The following FBXW2 variants were observed in gnomAD, a reference collection of about 807,000 sequenced individuals.
The protein encoded by FBXW2 is F-box and WD repeat domain containing 2, also known as F-box/WD repeat-containing protein 2.
A neutral mutation model predicts 46.0 loss-of-function variants in FBXW2; 12 were observed. The ratio of observed to expected loss-of-function variants is 0.26; its 90% CI spans 0.17 to 0.42. FBXW2 has a LOEUF of 0.42. FBXW2 is among the 10% of genes least tolerant of loss of function. The pLI is 1.00. For synonymous variants in FBXW2, 203 were observed against 209.6 expected (o/e 0.97, Z 0.27); for missense variants, 360 against 537.0 (o/e 0.67, Z 3.26).
rs1486630953 is a variant in FBXW2, at chr9:120,763,519, T to A, written c.*1040A>T. 2 of 152,244 alleles carry A rather than the reference T, an allele frequency of 1.3e-5. No homozygotes were observed. Among genetic ancestry groups the A allele is most frequent in the African/African-American group, 4.8e-5 (2 of 41,462 alleles). The allele number at this position is 152,244 out of a possible 1,614,324, so 9.4% of individuals were successfully genotyped here. A position where few individuals can be genotyped will look rare whatever the true frequency, so the allele number is the denominator to read the frequency against. ...TCTTCAACCAATTACTTAAACTGTC[T>A]AAGTGGAATCAGCTATATTTTCTAC... On this transcript the variant is annotated 3_prime_UTR_variant, in exon 8 of 8. Coordinates refer to ENST00000608872, the MANE Select transcript of FBXW2 (RefSeq NM_012164.4).
chr9:120,784,193 T>TA (rs2131359135), intron 3 of FBXW2, among the ~76,000 whole-genome samples: 1 of 152,246 alleles, frequency 6.6e-6, no homozygotes, highest in South Asian at 2.1e-4. Flanking sequence ...TGTAGAATTG[T>TA]AGATATTAAC....
chr9:120,793,137 C>G lies in FBXW2; in HGVS notation c.-21+12G>C. 1.5e-6 allele frequency: 1 copy of G among 655,564 alleles called. No homozygotes were observed. The highest frequency in any genetic ancestry group is 2.7e-5 in the East Asian group (1 of 36,510). The allele number at this position is 655,564 out of a possible 1,614,324, so 40.6% of individuals were successfully genotyped here. Reference sequence around the variant, plus strand: ...CCCTTGCTCTCGGAATCGTGTTCCGCGCGGCACTGACCTGAGCGAGCGCCC... The same window carrying G: ...CCCTTGCTCTCGGAATCGTGTTCCGGGCGGCACTGACCTGAGCGAGCGCCC... On this transcript the variant is annotated intron_variant, in intron 2 of 7. Coordinates refer to ENST00000608872, the MANE Select transcript of FBXW2 (RefSeq NM_012164.4).
chr9:120,770,318 G>C (rs1265495646), intron 7 of FBXW2, among the ~76,000 whole-genome samples: 1 of 151,480 alleles, frequency 6.6e-6, no homozygotes, highest in Admixed American at 6.6e-5. Flanking sequence ...GGAGCCTGCA[G>C]TGAGCAGAGA....
intron 4 of FBXW2, among the ~76,000 whole-genome samples, chr9:120,777,290 C>G (rs1276203584): frequency 6.6e-6 from 1 of 152,170 alleles, no homozygotes. Context: ...TGGTAGCAGA[C>G]AGCAAAGACT....
Position 120,759,600 on chromosome 9 carries a change from A to G in FBXW2, c.*4959T>C, listed in dbSNP as rs1004633292. ...CTGAGCATTCTCATCAAGTATACTA[A>G]GTCTAAATCAGTGAAATATGCCTGT... On this transcript the variant is annotated 3_prime_UTR_variant, in exon 8 of 8. Transcript: ENST00000608872. The G allele has an allele frequency of 7.2e-5, 11 of 152,238 alleles. No homozygotes were observed. Among genetic ancestry groups the G allele is most frequent in the Non-Finnish European group, 1.0e-4 (7 of 68,032 alleles). 9.4% of individuals were successfully genotyped at this position (152,238 alleles called of 1,614,324 possible).
chr9:120,782,274 T>C (rs1319783853), intron 3 of FBXW2, among the ~76,000 whole-genome samples: 1 of 151,532 alleles, frequency 6.6e-6, no homozygotes, highest in Non-Finnish European at 1.5e-5. Context: ...GAGACCAGCC[T>C]GGCCAACACG....
Position 120,786,507 on chromosome 9 carries a change from A to G in FBXW2, c.490+1262T>C, listed in dbSNP as rs376504577. 2.0e-5 allele frequency among the ~76,000 whole-genome samples: 3 copies of G among 152,196 alleles called. No homozygotes were observed. The East Asian group carries it at 5.8e-4, about 29-fold the overall frequency. On this transcript the variant is annotated intron_variant, in intron 3 of 7. Transcript: ENST00000608872. The stretch of plus-strand genomic sequence containing the variant: ...AGTCAATTAAACCTCTTTTCTTCAT[A>G]AATTACCCGGTCTTAGGCAGTTTTT...
At chr9:120,778,300 C>A in intron 4 of FBXW2, 51 bp downstream of exon 4, 2 of 1,479,340 alleles carry the variant, frequency 1.4e-6, no homozygotes, top group Non-Finnish European at 1.8e-6. Context: ...TGGCTCCTGG[C>A]TTAAAAGGAT....
At chr9:120,768,173 T>G (rs1052968960) in intron 7 of FBXW2, among the ~76,000 whole-genome samples, 6 of 152,338 alleles carry the variant, frequency 3.9e-5, no homozygotes, top group Admixed American at 3.3e-4. Flanking sequence ...TTCCTCACTG[T>G]ACACCCACTC....
Position 120,759,952 on chromosome 9 carries a change from T to G in FBXW2, c.*4607A>C, listed in dbSNP as rs1455021976. On this transcript the variant is annotated 3_prime_UTR_variant, in exon 8 of 8. Coordinates refer to ENST00000608872, the MANE Select transcript of FBXW2 (RefSeq NM_012164.4). The stretch of plus-strand genomic sequence containing the variant: ...ACTACTCAGTAATCCATTTGAGGAT[T>G]TATTCTGAAAAAAGTTTACTTTCCT... 2 of 152,232 alleles carry G rather than the reference T, an allele frequency of 1.3e-5. No homozygotes were observed. The highest frequency in any genetic ancestry group is 2.9e-5 in the Non-Finnish European group (2 of 68,040). 9.4% of individuals were successfully genotyped at this position (152,232 alleles called of 1,614,324 possible). A position where few individuals can be genotyped will look rare whatever the true frequency, so the allele number is the denominator to read the frequency against.
Position 120,757,423 on chromosome 9 carries a change from T to A in FBXW2, c.*7136A>T, listed in dbSNP as rs539768116. The A allele has an allele frequency of 6.6e-6, 1 of 152,226 alleles. No homozygotes were observed. The allele number at this position is 152,226 out of a possible 1,614,324, so 9.4% of individuals were successfully genotyped here. A position where few individuals can be genotyped will look rare whatever the true frequency, so the allele number is the denominator to read the frequency against. ...TACTGGAACTTGTTCTAAGGAAATA[T>A]GCACAAAGAAGTTCTCTGTAGTATC... is the stretch of plus-strand genomic sequence containing the variant. On this transcript the variant is annotated 3_prime_UTR_variant, in exon 8 of 8. Coordinates refer to ENST00000608872, the MANE Select transcript of FBXW2 (RefSeq NM_012164.4).
chr9:120,789,705 T>C (rs187208793), intron 2 of FBXW2, among the ~76,000 whole-genome samples: 2 of 152,368 alleles, frequency 1.3e-5, no homozygotes, highest in African/African-American at 4.8e-5. Context: ...AGATCAGGTC[T>C]ACACAAAAAG....
At chr9:120,785,012 ATT>A (rs112462348) in intron 3 of FBXW2, among the ~76,000 whole-genome samples, 15 of 142,764 alleles carry the variant, frequency 1.1e-4, no homozygotes, top group African/African-American at 1.0e-4. Context: ...GCATCTTAAT[ATT>A]TTTTTTTTTT....
Position 120,793,339 on chromosome 9 carries a change from G to A in FBXW2, c.-130+15C>T, listed in dbSNP as rs980519641. 8 of 424,902 alleles carry A rather than the reference G, an allele frequency of 1.9e-5. No individual in the cohort carries two copies. Among genetic ancestry groups the A allele is most frequent in the Non-Finnish European group, 3.3e-5 (8 of 241,768 alleles). 26.3% of individuals were successfully genotyped at this position (424,902 alleles called of 1,614,324 possible). A position where few individuals can be genotyped will look rare whatever the true frequency, so the allele number is the denominator to read the frequency against. On this transcript the variant is annotated intron_variant, in intron 1 of 7. Coordinates refer to ENST00000608872, the MANE Select transcript of FBXW2 (RefSeq NM_012164.4). ...AAGAGTCCCCTCCCCGACCGGCCCCGCCTCGCATACAGACCCGGACCTGCG... is the reference window on the plus strand; with the variant it reads ...AAGAGTCCCCTCCCCGACCGGCCCCACCTCGCATACAGACCCGGACCTGCG...
intron 7 of FBXW2, among the ~76,000 whole-genome samples, chr9:120,770,901 C>G (rs1218461671): frequency 6.6e-6 from 1 of 152,180 alleles, no homozygotes; most frequent in African/African-American, 2.4e-5. Context: ...TTTTATTTTT[C>G]TCTAAGTCTC....
At position 120,788,028 on chromosome 9, in the gene FBXW2, T is replaced by C. The variant is rs780984046; in HGVS notation, c.231A>G (p.Leu77=). Residue 77 remains leucine, a synonymous_variant, in exon 3 of 8, where the codon TTA becomes TTG. Coordinates refer to ENST00000608872, the MANE Select transcript of FBXW2 (RefSeq NM_012164.4). ...YLLKWLDPQT[L]LTCCLVSKQW... ...GTTTAGAGACGAGGCAGCATGTGAGTAAAGTCTGAGGATCGAGCCATTTTA... is the reference window on the plus strand; with the variant it reads ...GTTTAGAGACGAGGCAGCATGTGAGCAAAGTCTGAGGATCGAGCCATTTTA... 3.2e-5 allele frequency: 51 copies of C among 1,614,024 alleles called. No individual in the cohort carries two copies. The Admixed American group carries it at 4.0e-4, about 13-fold the overall frequency.
At position 120,757,755 on chromosome 9, in the gene FBXW2, G is replaced by C. The variant is rs1319185810; in HGVS notation, c.*6804C>G. 1 of 152,000 alleles carries C rather than the reference G, an allele frequency of 6.6e-6. No individual in the cohort carries two copies. The highest frequency in any genetic ancestry group is 1.5e-5 in the Non-Finnish European group (1 of 67,992). The allele number at this position is 152,000 out of a possible 1,614,324, so 9.4% of individuals were successfully genotyped here. On this transcript the variant is annotated 3_prime_UTR_variant, in exon 8 of 8. Coordinates refer to ENST00000608872, the MANE Select transcript of FBXW2 (RefSeq NM_012164.4). ...ACAGAACATGTGGTTAAAATGCAAAGGACAGGAACATCCCACTGGCAGGGA... is the reference window on the plus strand; with the variant it reads ...ACAGAACATGTGGTTAAAATGCAAACGACAGGAACATCCCACTGGCAGGGA...
rs1180790651 is a variant in FBXW2, at chr9:120,758,744, G to C, written c.*5815C>G. On this transcript the variant is annotated 3_prime_UTR_variant, in exon 8 of 8. Coordinates refer to ENST00000608872, the MANE Select transcript of FBXW2 (RefSeq NM_012164.4). ...GGAATGACAATCTGCCCTTAATGAT[G>C]CTGTCAGGGGATCAAAGGTGCAGGG... 3.9e-5 allele frequency: 6 copies of C among 152,146 alleles called. No homozygotes were observed. Among genetic ancestry groups the C allele is most frequent in the Non-Finnish European group, 8.8e-5 (6 of 68,026 alleles). 9.4% of individuals were successfully genotyped at this position (152,146 alleles called of 1,614,324 possible).
chr9:120,779,878 G>A (rs556330537), intron 3 of FBXW2, among the ~76,000 whole-genome samples: 5 of 152,226 alleles, frequency 3.3e-5, no homozygotes, highest in East Asian at 1.9e-4. Context: ...TGGGCCGGGC[G>A]CAGTGGCTCA....
Sources: allele counts gnomAD v4.1 joint callset (sites outside exome capture counted in the v4.1 genomes callset), GRCh38; gene constraint gnomAD v4.1.1; transcripts MANE v1.5; gene names NCBI Gene and HGNC (gene_info 2026-07-23, HGNC 2026-07-21).